The following PSMD1 variants were observed in gnomAD, a reference collection of about 807,000 sequenced individuals.
The protein encoded by PSMD1 is 26S proteasome non-ATPase regulatory subunit 1.
Under a neutral mutation model 119.0 loss-of-function variants are expected in PSMD1, and 18 were observed. The observed-to-expected ratio is 0.15, with a 90% CI of 0.10 to 0.22. PSMD1 has a LOEUF of 0.22. Ranked by LOEUF, PSMD1 falls within the 10% of genes least tolerant of loss-of-function variation. PSMD1 has a pLI of 1.00. For missense variants in PSMD1, 702 were observed against 1,158.5 expected (o/e 0.61, Z 5.72); for synonymous variants, 374 against 396.6 (o/e 0.94, Z 0.68).
rs143550186 is a variant in PSMD1, at chr2:231,152,427, G to A, written c.2116-1137G>A. ...ATGAAATGCCCTTTATACATTACACGACGTATATGTTACCTCATATAATCC... is the reference window on the plus strand; with the variant it reads ...ATGAAATGCCCTTTATACATTACACAACGTATATGTTACCTCATATAATCC... On this transcript the variant is annotated intron_variant, in intron 18 of 24. Transcript: ENST00000308696. Among the ~76,000 whole-genome samples the A allele has an allele frequency of 6.6e-5, 10 of 152,186 alleles. No individual in the cohort carries two copies. The East Asian group carries it at 1.3e-3, about 21-fold the overall frequency.
chr2:231,123,666 T>TCC, intron 16 of PSMD1: 1 of 1,614,062 alleles, frequency 6.2e-7, no homozygotes, highest in Non-Finnish European at 8.5e-7. Context: ...CTGTCTGTAA[T>TCC]CCAGACCAGT....
chr2:231,069,379 G>T (rs1693985743), intron 5 of PSMD1, among the ~76,000 whole-genome samples: 2 of 151,438 alleles, frequency 1.3e-5, no homozygotes, highest in South Asian at 2.1e-4. Context: ...ATTTTATTAC[G>T]CAGTGGAAAG....
intron 16 of PSMD1, among the ~76,000 whole-genome samples, chr2:231,121,488 A>G (rs1481322876): frequency 6.6e-6 from 1 of 152,222 alleles, no homozygotes; most frequent in Admixed American, 6.5e-5. Context: ...TTATGTTAAC[A>G]TATGTTGGGT....
chr2:231,141,197 G>C (rs561786420), intron 17 of PSMD1, among the ~76,000 whole-genome samples: 11 of 151,650 alleles, frequency 7.3e-5, no homozygotes, highest in Non-Finnish European at 1.6e-4. Context: ...CCAGATACTC[G>C]GGAGGCTGAG....
chr2:231,085,264 A>C (rs1215869038), intron 15 of PSMD1, 150 bp downstream of exon 15: 4 of 661,230 alleles, frequency 6.0e-6, no homozygotes. Context: ...AACAGGCCAT[A>C]ACCTAGCACT....
intron 1 of PSMD1, 77 bp downstream of exon 1, chr2:231,057,118 ACTGGGCGCCTCC>A: frequency 7.1e-7 from 1 of 1,414,626 alleles, no homozygotes; most frequent in Non-Finnish European, 9.2e-7. Context: ...AGGGCCGGTG[ACTGGGCGCCTCC>A]CGGCGGAACG....
At chr2:231,109,093 G>A in intron 16 of PSMD1, 18 of 1,614,162 alleles carry the variant, frequency 1.1e-5, no homozygotes, top group Non-Finnish European at 1.5e-5. Context: ...GCAGAGCCTT[G>A]TCCTTTCGAG....
chr2:231,056,924 G>C lies in PSMD1; in HGVS notation c.-102G>C, dbSNP rs960815729. 2.0e-6 allele frequency: 3 copies of C among 1,472,296 alleles called. No individual in the cohort carries two copies. Among genetic ancestry groups the C allele is most frequent in the Non-Finnish European group, 2.8e-6 (3 of 1,089,684 alleles). 91.2% of individuals were successfully genotyped at this position (1,472,296 alleles called of 1,614,324 possible). ...AGGCGACTGACTGAGCAGCGCACCC[G>C]GGGAGCAAGGAGGCGCGGTGAACTG... On this transcript the variant is annotated 5_prime_UTR_variant, in exon 1 of 25. Transcript: ENST00000308696.
intron 5 of PSMD1, among the ~76,000 whole-genome samples, chr2:231,069,015 G>A (rs1346439854): frequency 1.3e-5 from 2 of 152,170 alleles, no homozygotes; most frequent in Admixed American, 1.3e-4. Context: ...TGTGGTTTCA[G>A]GCATCTGCTG....
intron 19 of PSMD1, 111 bp downstream of exon 19, chr2:231,153,777 C>T: frequency 2.5e-6 from 2 of 787,322 alleles, no homozygotes; most frequent in Admixed American, 6.0e-5. Flanking sequence ...CAAATTATTC[C>T]TGGAGAAAAT....
Position 231,093,303 on chromosome 2 carries a change from A to G in PSMD1, c.1883+6122A>G, listed in dbSNP as rs375044259. 2.2e-4 allele frequency among the ~76,000 whole-genome samples: 33 copies of G among 152,314 alleles called. No homozygotes were observed. The South Asian group carries it at 6.0e-3, about 28-fold the overall frequency. ...TGCAGTGTACAACAGAAGGCATAGCAAGGAACAAATTATGTGGAGTGAATG... is the reference window on the plus strand; with the variant it reads ...TGCAGTGTACAACAGAAGGCATAGCGAGGAACAAATTATGTGGAGTGAATG... On this transcript the variant is annotated intron_variant, in intron 16 of 24. Coordinates refer to ENST00000308696, the MANE Select transcript of PSMD1 (RefSeq NM_002807.4).
Position 231,138,788 on chromosome 2 carries a change from C to T in PSMD1, c.1936C>T (p.Pro646Ser). Residue 646 changes from proline (P) to serine (S), a missense_variant, in exon 17 of 25, where the codon CCT (proline) becomes TCT (serine). Physicochemically the swap from Pro to Ser is moderately conservative, Grantham distance 74. This residue lies in a region of PSMD1 where 272 missense variants were observed against 511.6 expected (regional missense o/e 0.53). Transcript: ENST00000308696. The stretch of plus-strand genomic sequence containing the variant: ...CTCTTTGTTGTCAGAGAGTTACAAC[C>T]CTCATGTGCGCTACGGAGCTGCAAT... ...VVSLLSESYNPHVRYGAAMAL... is the reference protein window; with the variant it reads ...VVSLLSESYNSHVRYGAAMAL... 6.2e-7 allele frequency: 1 copy of T among 1,614,120 alleles called. No individual in the cohort carries two copies. The highest frequency in any genetic ancestry group is 8.5e-7 in the Non-Finnish European group (1 of 1,180,026).
chr2:231,124,032 G>A, intron 16 of PSMD1: 1 of 412,066 alleles, frequency 2.4e-6, no homozygotes, highest in African/African-American at 2.0e-5. Context: ...TGATAGCTGT[G>A]AAAAAAATAG....
chr2:231,069,993 A>G, intron 5 of PSMD1, 32 bp from the exon 6 acceptor site: 1 of 1,340,698 alleles, frequency 7.5e-7, no homozygotes, highest in Non-Finnish European at 9.7e-7. Flanking sequence ...CAATAACCAG[A>G]TAACGTTATA....
intron 16 of PSMD1, among the ~76,000 whole-genome samples, chr2:231,102,143 A>G (rs543741064): frequency 6.6e-6 from 1 of 152,262 alleles, no homozygotes; most frequent in East Asian, 1.9e-4. Context: ...ACTGAGGTAT[A>G]TACATTTTTT....
At chr2:231,095,222 G>T (rs568079440) in intron 16 of PSMD1, among the ~76,000 whole-genome samples, 3 of 152,312 alleles carry the variant, frequency 2.0e-5, no homozygotes, top group Admixed American at 6.5e-5. Flanking sequence ...ATGGAAAACA[G>T]GTTTTGCAGC....
chr2:231,081,184 T>G (rs1266049753), intron 12 of PSMD1, among the ~76,000 whole-genome samples: 3 of 147,256 alleles, frequency 2.0e-5, no homozygotes, highest in Non-Finnish European at 4.5e-5. Flanking sequence ...GCCAATAGGA[T>G]GATGTCTCAA....
intron 5 of PSMD1, among the ~76,000 whole-genome samples, chr2:231,068,862 G>A (rs1693969979): frequency 6.6e-6 from 1 of 152,138 alleles, no homozygotes; most frequent in Non-Finnish European, 1.5e-5. Flanking sequence ...TTGAAAAAGT[G>A]AAAATTCCCA....
intron 20 of PSMD1, among the ~76,000 whole-genome samples, chr2:231,161,755 G>C (rs1696646333): frequency 6.6e-6 from 1 of 152,128 alleles, no homozygotes; most frequent in Non-Finnish European, 1.5e-5. Context: ...GTGAGAGAGG[G>C]GGCTAAATAT....
Sources: allele counts gnomAD v4.1 joint callset (sites outside exome capture counted in the v4.1 genomes callset), GRCh38; gene constraint gnomAD v4.1.1; regional missense constraint gnomAD v4.1.1; transcripts MANE v1.5; gene names NCBI Gene and HGNC (gene_info 2026-07-23, HGNC 2026-07-21).